IQCM: variants seen among roughly 807,000 people sequenced by gnomAD.
The protein encoded by IQCM is IQ domain-containing protein M.
A neutral mutation model predicts 57.6 loss-of-function variants in IQCM; 45 were observed. The observed-to-expected ratio is 0.78, with a 90% CI of 0.62 to 1.00. IQCM has a LOEUF of 1.00. Ranked by LOEUF, IQCM falls within the 50% of genes least tolerant of loss-of-function variation. IQCM has a pLI of 0.00. For synonymous variants in IQCM, 148 were observed against 158.9 expected (o/e 0.93, Z 0.51); for missense variants, 468 against 511.6 (o/e 0.91, Z 0.82).
At chr4:149,480,953 T>C (rs1327454200) in intron 12 of IQCM, among the ~76,000 whole-genome samples, 2 of 152,120 alleles carry the variant, frequency 1.3e-5, no homozygotes, top group Admixed American at 6.6e-5. Flanking sequence ...GCCATTTTAA[T>C]TGGGGTGAGA....
chr4:149,453,376 A>G (rs1737342982), intron 12 of IQCM, among the ~76,000 whole-genome samples: 1 of 151,814 alleles, frequency 6.6e-6, no homozygotes, highest in Non-Finnish European at 1.5e-5. Flanking sequence ...GACAAAAACA[A>G]AAACGAAAAA....
At chr4:149,495,032 T>G (rs1560912582) in intron 12 of IQCM, among the ~76,000 whole-genome samples, 1 of 151,972 alleles carries the variant, frequency 6.6e-6, no homozygotes, top group Non-Finnish European at 1.5e-5. Flanking sequence ...AGGATAGTTA[T>G]TAGCGGAGAA....
intron 2 of IQCM, among the ~76,000 whole-genome samples, chr4:149,752,350 G>C (rs544402501): frequency 6.6e-6 from 1 of 152,004 alleles, no homozygotes; most frequent in Non-Finnish European, 1.5e-5. Context: ...TCAGGAGTTC[G>C]AGACCAGCCT....
chr4:149,454,368 C>A (rs1025676936), intron 12 of IQCM, among the ~76,000 whole-genome samples: 1 of 151,660 alleles, frequency 6.6e-6, no homozygotes, highest in Admixed American at 6.6e-5. Context: ...AATGCAGGAA[C>A]AGAAAACCAA....
At chr4:149,689,141 A>T (rs748177851) in intron 5 of IQCM, among the ~76,000 whole-genome samples, 2 of 152,070 alleles carry the variant, frequency 1.3e-5, no homozygotes, top group Non-Finnish European at 2.9e-5. Flanking sequence ...TCACAATAGC[A>T]AAGACTTGGA....
At chr4:149,551,153 A>T (rs556647787) in intron 11 of IQCM, among the ~76,000 whole-genome samples, 4 of 152,278 alleles carry the variant, frequency 2.6e-5, no homozygotes, top group Admixed American at 6.5e-5. Flanking sequence ...CTCCAGTCAC[A>T]AACTTCATTC....
At chr4:149,718,296 C>T (rs550657848) in intron 5 of IQCM, among the ~76,000 whole-genome samples, 1 of 152,204 alleles carries the variant, frequency 6.6e-6, no homozygotes, top group East Asian at 1.9e-4. Context: ...TGATTCCTAC[C>T]CTCCCCTCAA....
intron 5 of IQCM, among the ~76,000 whole-genome samples, chr4:149,728,520 TACC>T (rs1766167560): frequency 6.6e-6 from 1 of 152,244 alleles, no homozygotes; most frequent in Admixed American, 6.5e-5. Flanking sequence ...AAAGTACTAT[TACC>T]ACTGTTTAAT....
At chr4:149,785,022 A>G (rs1447445776) in intron 2 of IQCM, among the ~76,000 whole-genome samples, 1 of 152,236 alleles carries the variant, frequency 6.6e-6, no homozygotes, top group Non-Finnish European at 1.5e-5. Flanking sequence ...AGATACGAAG[A>G]GTAAAGAAAA....
Position 149,696,528 on chromosome 4 carries a change from C to A in IQCM, c.386-10060G>T, listed in dbSNP as rs142451340. Among the ~76,000 whole-genome samples, 1,456 of 152,116 alleles carry A rather than the reference C, an allele frequency of 9.6e-3. 81 individuals carry two copies. The highest frequency in any genetic ancestry group is 0.085 in the Admixed American group (1,295 of 15,276). On this transcript the variant is annotated intron_variant, in intron 5 of 13. Coordinates refer to ENST00000636793, the MANE Select transcript of IQCM (RefSeq NM_001363507.2). ...AATACTGTTCATACACCAAAGACACCAAAACTTTATTCTCCAGCCCACATC... is the reference window on the plus strand; with the variant it reads ...AATACTGTTCATACACCAAAGACACAAAAACTTTATTCTCCAGCCCACATC...
At chr4:149,356,288 C>T (rs1409218596) in intron 13 of IQCM, among the ~76,000 whole-genome samples, 6 of 152,136 alleles carry the variant, frequency 3.9e-5, no homozygotes, top group Non-Finnish European at 8.8e-5. Flanking sequence ...GTTGCCTTTG[C>T]TTTTGGTGTT....
At chr4:149,646,848 G>C (rs1758679026) in intron 7 of IQCM, among the ~76,000 whole-genome samples, 1 of 152,132 alleles carries the variant, frequency 6.6e-6, no homozygotes, top group Non-Finnish European at 1.5e-5. Context: ...GCTGGGTGTG[G>C]TGGCAGGCGC....
At chr4:149,727,493 TGAA>T (rs766992984) in intron 5 of IQCM, among the ~76,000 whole-genome samples, 3 of 152,036 alleles carry the variant, frequency 2.0e-5, no homozygotes, top group Non-Finnish European at 4.4e-5. Context: ...ATATTAGAAA[TGAA>T]GGAGGAGAAA....
intron 12 of IQCM, among the ~76,000 whole-genome samples, chr4:149,530,711 A>C (rs2149850507): frequency 6.6e-6 from 1 of 152,146 alleles, no homozygotes; most frequent in East Asian, 1.9e-4. Context: ...AGAAAGAACA[A>C]AGAAAAGGCT....
In IQCM at chr4:149,814,771, A is replaced by G. The variant is rs182477320; in HGVS notation, c.-49+540T>C. Reference sequence around the variant, plus strand: ...TATTAGCATTTGACCCAATGGGCAGAGACCATCAAGAGTAAAAAATGTATA... The same window carrying G: ...TATTAGCATTTGACCCAATGGGCAGGGACCATCAAGAGTAAAAAATGTATA... On this transcript the variant is annotated intron_variant, in intron 2 of 13. Transcript: ENST00000636793. 5.3e-3 allele frequency among the ~76,000 whole-genome samples: 800 copies of G among 152,100 alleles called. 2 individuals are homozygous for G. Among genetic ancestry groups the G allele is most frequent in the Middle Eastern group, 0.017 (5 of 294 alleles).
intron 9 of IQCM, among the ~76,000 whole-genome samples, chr4:149,573,202 A>G (rs1053649513): frequency 6.6e-6 from 1 of 151,316 alleles, no homozygotes; most frequent in Non-Finnish European, 1.5e-5. Context: ...ATTAAATTAT[A>G]TACATTATAT....
At chr4:149,676,929 T>C (rs1017862047) in intron 7 of IQCM, among the ~76,000 whole-genome samples, 5 of 151,894 alleles carry the variant, frequency 3.3e-5, no homozygotes, top group Non-Finnish European at 5.9e-5. Flanking sequence ...ACCAGAAATA[T>C]ACCAGAATTC....
intron 8 of IQCM, among the ~76,000 whole-genome samples, chr4:149,619,103 G>GGTATATATAT (rs1554008914): frequency 2.9e-5 from 3 of 104,386 alleles, no homozygotes; most frequent in Non-Finnish European, 5.2e-5. Flanking sequence ...AAAAATGTGG[G>GGTATATATAT]ATGGATATAT....
At chr4:149,468,357 C>T (rs899870743) in intron 12 of IQCM, among the ~76,000 whole-genome samples, 1 of 152,206 alleles carries the variant, frequency 6.6e-6, no homozygotes, top group South Asian at 2.1e-4. Context: ...GGGTCCCACA[C>T]CCACGGAGCC....
Sources: gnomAD v4.1 joint callset for allele counts (sites outside exome capture counted in the v4.1 genomes callset) on GRCh38, gnomAD v4.1.1 for gene constraint, MANE v1.5 for transcripts, NCBI Gene and HGNC (gene_info 2026-07-23, HGNC 2026-07-21) for gene names.